RTL8C: variants seen among roughly 807,000 people sequenced by gnomAD.
RTL8C encodes the protein retrotransposon Gag like 8C, also known as retrotransposon Gag-like protein 8C.
A neutral mutation model predicts 5.0 loss-of-function variants in RTL8C; 1 was observed. That is an observed-to-expected ratio of 0.20 (90% CI 0.07 to 0.95). The LOEUF (loss-of-function observed/expected upper bound fraction) is 0.95. RTL8C is among the 40% of genes least tolerant of loss of function. The pLI, the probability that RTL8C is intolerant of heterozygous loss-of-function variation, is 0.63. For synonymous variants in RTL8C, 37 were observed against 44.5 expected, an observed-to-expected ratio of 0.83 and a Z score of 0.67; for missense variants, 39 against 99.3, an observed-to-expected ratio of 0.39 and a Z score of 2.58.
In RTL8C at chrX:135,032,372, C is replaced by T. The variant is rs753658574; in HGVS notation, c.-12C>T. ...TGGAGCCCATTGACGTCCAGCGAAGCGAGGAGCAGCGATGGACGGTCGGGT... is the reference window on the plus strand; with the variant it reads ...TGGAGCCCATTGACGTCCAGCGAAGTGAGGAGCAGCGATGGACGGTCGGGT... On this transcript the variant is annotated 5_prime_UTR_variant, in exon 1 of 1. Coordinates refer to ENST00000257013, the MANE Select transcript of RTL8C (RefSeq NM_001078171.2). 2.5e-6 allele frequency: 3 copies of T among 1,194,599 alleles called. No homozygotes were observed. The highest frequency in any genetic ancestry group is 3.0e-5 in the East Asian group (1 of 33,696).
rs750314248 is a variant in RTL8C, at chrX:135,032,356, T to C, written c.-28T>C. The C allele has an allele frequency of 2.3e-5, 27 of 1,186,517 alleles. No homozygotes were observed. Among genetic ancestry groups the C allele is most frequent in the Admixed American group, 2.0e-4 (9 of 43,973 alleles). On this transcript the variant is annotated 5_prime_UTR_variant, in exon 1 of 1. Coordinates refer to ENST00000257013, the MANE Select transcript of RTL8C (RefSeq NM_001078171.2). Reference sequence around the variant, plus strand: ...CCTCTGCAGAGCCGGGTGGAGCCCATTGACGTCCAGCGAAGCGAGGAGCAG... The same window carrying C: ...CCTCTGCAGAGCCGGGTGGAGCCCACTGACGTCCAGCGAAGCGAGGAGCAG...
chrX:135,032,923 C>T lies in RTL8C; in HGVS notation c.*198C>T. 9.1e-7 allele frequency: 1 copy of T among 1,099,250 alleles called. No homozygotes were observed. The highest frequency in any genetic ancestry group is 1.2e-6 in the Non-Finnish European group (1 of 842,158). 90.6% of individuals were successfully genotyped at this position (1,099,250 alleles called of 1,213,427 possible). On this transcript the variant is annotated 3_prime_UTR_variant, in exon 1 of 1. Coordinates refer to ENST00000257013, the MANE Select transcript of RTL8C (RefSeq NM_001078171.2). ...GAATAGCGCTCCAGGCTCCTGCTGC[C>T]GCCCCTGGGCCTCACTCTGGAGCGA...
Position 135,033,052 on chromosome X carries a change from C to G in RTL8C, c.*327C>G. ...GGCTCCTGTTACACACTGGACAGAC[C>G]ACCCACTGCCGCCGCTGCCAAGCCC... On this transcript the variant is annotated 3_prime_UTR_variant, in exon 1 of 1. Transcript: ENST00000257013. 2 of 948,117 alleles carry G rather than the reference C, an allele frequency of 2.1e-6. No homozygotes were observed. The highest frequency in any genetic ancestry group is 2.8e-6 in the Non-Finnish European group (2 of 706,200). The allele number at this position is 948,117 out of a possible 1,213,427, so 78.1% of individuals were successfully genotyped here.
Position 135,033,010 on chromosome X carries a change from G to T in RTL8C, c.*285G>T. The T allele has an allele frequency of 9.7e-7, 1 of 1,028,219 alleles. No homozygotes were observed. The highest frequency in any genetic ancestry group is 1.3e-6 in the Non-Finnish European group (1 of 778,292). The allele number at this position is 1,028,219 out of a possible 1,213,427, so 84.7% of individuals were successfully genotyped here. On this transcript the variant is annotated 3_prime_UTR_variant, in exon 1 of 1. Transcript: ENST00000257013. ...CATGTACATTTGGACGCTGTCCTGC[G>T]CTCCAGCTGCAAGCTGGGCTCCTGT...
chrX:135,032,803 C>G lies in RTL8C; in HGVS notation c.*78C>G. On this transcript the variant is annotated 3_prime_UTR_variant, in exon 1 of 1. Transcript: ENST00000257013. ...TTACTGGCCGCCGCCAGGGTCGCCA[C>G]CGGCGCCCTCCCTCCGCGCCTCCCT... 1.7e-6 allele frequency: 2 copies of G among 1,162,644 alleles called. No homozygotes were observed. The highest frequency in any genetic ancestry group is 2.3e-6 in the Non-Finnish European group (2 of 872,603).
Position 135,032,695 on chromosome X carries a change from C to T in RTL8C, c.312C>T (p.Val104=), listed in dbSNP as rs1236900927. 1.7e-6 allele frequency: 2 copies of T among 1,210,104 alleles called. No individual in the cohort carries two copies. Among genetic ancestry groups the T allele is most frequent in the Admixed American group, 2.2e-5 (1 of 45,955 alleles). ...YRGFLAEMKR[V]FGWEEDEDF Reference sequence around the variant, plus strand: ...GCTTTCTGGCCGAGATGAAGCGAGTCTTTGGATGGGAGGAGGACGAGGACT... The same window carrying T: ...GCTTTCTGGCCGAGATGAAGCGAGTTTTTGGATGGGAGGAGGACGAGGACT... The change falls in exon 1 of 1, where the codon GTC becomes GTT. Residue 104 remains valine (V), a synonymous_variant. Coordinates refer to ENST00000257013, the MANE Select transcript of RTL8C (RefSeq NM_001078171.2).
At position 135,032,845 on chromosome X, in the gene RTL8C, C is replaced by T. The variant is rs2083294725; in HGVS notation, c.*120C>T. On this transcript the variant is annotated 3_prime_UTR_variant, in exon 1 of 1. Coordinates refer to ENST00000257013, the MANE Select transcript of RTL8C (RefSeq NM_001078171.2). The stretch of plus-strand genomic sequence containing the variant: ...CGCCTCCCTCCCCCTCGAGCCGCCG[C>T]GATGTCCCCTGCGCTCCTGTTCCCT... The T allele has an allele frequency of 2.7e-6, 3 of 1,130,822 alleles. No homozygotes were observed. Among genetic ancestry groups the T allele is most frequent in the Admixed American group, 6.1e-5 (2 of 33,041 alleles). The allele number at this position is 1,130,822 out of a possible 1,213,427, so 93.2% of individuals were successfully genotyped here.
rs778156525 is a variant in RTL8C, at chrX:135,032,389, C to T, written c.6C>T (p.Asp2=). M[D]GRVQLIKALL... ...CAGCGAAGCGAGGAGCAGCGATGGA[C>T]GGTCGGGTGCAGCTGATAAAGGCCC... Residue 2 remains aspartate, a synonymous_variant, in exon 1 of 1, where the codon GAC becomes GAT. Transcript: ENST00000257013. 5.0e-6 allele frequency: 6 copies of T among 1,201,889 alleles called. No individual in the cohort carries two copies. The highest frequency in any genetic ancestry group is 3.0e-5 in the East Asian group (1 of 33,752).
In RTL8C at chrX:135,033,163, A is replaced by C; in HGVS notation, c.*438A>C. 1.1e-6 allele frequency: 1 copy of C among 916,281 alleles called. No homozygotes were observed. 75.5% of individuals were successfully genotyped at this position (916,281 alleles called of 1,213,427 possible). A position where few individuals can be genotyped will look rare whatever the true frequency, so the allele number is the denominator to read the frequency against. On this transcript the variant is annotated 3_prime_UTR_variant, in exon 1 of 1. Coordinates refer to ENST00000257013, the MANE Select transcript of RTL8C (RefSeq NM_001078171.2). ...CAGCCATCGCCATCCATCGCATCCC[A>C]CCGACAGACTGCTGCTCCTAGTGAT...
chrX:135,032,525 G>T lies in RTL8C; in HGVS notation c.142G>T (p.Gly48Cys), dbSNP rs1463560061. ...DRLPEFIVQT[G>C]SYMFVDENTF... Reference sequence around the variant, plus strand: ...ACTCCCGGAGTTCATCGTGCAGACGGGCTCCTACATGTTCGTGGACGAGAA... The same window carrying T: ...ACTCCCGGAGTTCATCGTGCAGACGTGCTCCTACATGTTCGTGGACGAGAA... The change falls in exon 1 of 1, where the codon GGC becomes TGC. Residue 48 changes from glycine to cysteine, a missense_variant. Physicochemically the swap from Gly to Cys is radical, Grantham distance 159 (BLOSUM62 -3). Coordinates refer to ENST00000257013, the MANE Select transcript of RTL8C (RefSeq NM_001078171.2). 2 of 1,211,794 alleles carry T rather than the reference G, an allele frequency of 1.7e-6. No homozygotes were observed. The highest frequency in any genetic ancestry group is 2.2e-6 in the Non-Finnish European group (2 of 895,590).
rs1396824224 is a variant in RTL8C at position 135,033,218 on chromosome X, G to C, written c.*493G>C. On this transcript the variant is annotated 3_prime_UTR_variant, in exon 1 of 1. Transcript: ENST00000257013. The stretch of plus-strand genomic sequence containing the variant: ...ACTCACCTCGGAGGTATCTGGGCTG[G>C]CCACAGTCCCTGGACAGTGATCCAG... 15 of 655,309 alleles carry C rather than the reference G, an allele frequency of 2.3e-5. No homozygotes were observed. Among genetic ancestry groups the C allele is most frequent in the Non-Finnish European group, 3.3e-5 (15 of 458,677 alleles). 54.0% of individuals were successfully genotyped at this position (655,309 alleles called of 1,213,427 possible).
Position 135,032,950 on chromosome X carries a change from C to T in RTL8C, c.*225C>T. On this transcript the variant is annotated 3_prime_UTR_variant, in exon 1 of 1. Coordinates refer to ENST00000257013, the MANE Select transcript of RTL8C (RefSeq NM_001078171.2). ...CCCCTGGGCCTCACTCTGGAGCGAGCCGCCGCCCTCTCCTTCCAGCCAGCC... is the reference window on the plus strand; with the variant it reads ...CCCCTGGGCCTCACTCTGGAGCGAGTCGCCGCCCTCTCCTTCCAGCCAGCC... 1 of 1,092,315 alleles carries T rather than the reference C, an allele frequency of 9.2e-7. No homozygotes were observed. The highest frequency in any genetic ancestry group is 3.4e-5 in the East Asian group (1 of 29,426). 90.0% of individuals were successfully genotyped at this position (1,092,315 alleles called of 1,213,427 possible). A position where few individuals can be genotyped will look rare whatever the true frequency, so the allele number is the denominator to read the frequency against.
At position 135,032,379 on chromosome X, in the gene RTL8C, CA is replaced by C. The variant is rs1487927746; in HGVS notation, c.-4del. ...CATTGACGTCCAGCGAAGCGAGGAG[CA>C]GCGATGGACGGTCGGGTGCAGCTGA... On this transcript the variant is annotated 5_prime_UTR_variant, in exon 1 of 1. Transcript: ENST00000257013. The C allele has an allele frequency of 2.5e-6, 3 of 1,200,112 alleles. No homozygotes were observed. In the Admixed American group the frequency reaches 6.6e-5, roughly 27 times the overall value.
In RTL8C at chrX:135,033,180, C is replaced by G; in HGVS notation, c.*455C>G. The G allele has an allele frequency of 2.3e-6, 2 of 873,235 alleles. No homozygotes were observed. The highest frequency in any genetic ancestry group is 4.2e-5 in the South Asian group (2 of 47,973). The allele number at this position is 873,235 out of a possible 1,213,427, so 72.0% of individuals were successfully genotyped here. On this transcript the variant is annotated 3_prime_UTR_variant, in exon 1 of 1. Transcript: ENST00000257013. Reference sequence around the variant, plus strand: ...CGCATCCCACCGACAGACTGCTGCTCCTAGTGATCTGGACTCACCTCGGAG... The same window carrying G: ...CGCATCCCACCGACAGACTGCTGCTGCTAGTGATCTGGACTCACCTCGGAG...
Position 135,032,833 on chromosome X carries a change from C to A in RTL8C, c.*108C>A. On this transcript the variant is annotated 3_prime_UTR_variant, in exon 1 of 1. Coordinates refer to ENST00000257013, the MANE Select transcript of RTL8C (RefSeq NM_001078171.2). ...GCCCTCCCTCCGCGCCTCCCTCCCC[C>A]TCGAGCCGCCGCGATGTCCCCTGCG... 8.8e-7 allele frequency: 1 copy of A among 1,136,250 alleles called. No homozygotes were observed. Among genetic ancestry groups the A allele is most frequent in the Non-Finnish European group, 1.2e-6 (1 of 860,222 alleles). The allele number at this position is 1,136,250 out of a possible 1,213,427, so 93.6% of individuals were successfully genotyped here. A position where few individuals can be genotyped will look rare whatever the true frequency, so the allele number is the denominator to read the frequency against.
Position 135,032,801 on chromosome X carries a change from C to T in RTL8C, c.*76C>T, listed in dbSNP as rs375747975. 8.4e-5 allele frequency: 98 copies of T among 1,163,781 alleles called. 2 individuals are homozygous for T. In the East Asian group the frequency reaches 1.2e-3, roughly 14 times the overall value. ...TGTTACTGGCCGCCGCCAGGGTCGC[C>T]ACCGGCGCCCTCCCTCCGCGCCTCC... On this transcript the variant is annotated 3_prime_UTR_variant, in exon 1 of 1. Transcript: ENST00000257013.
Position 135,032,782 on chromosome X carries a change from T to C in RTL8C, c.*57T>C. 1 of 1,184,650 alleles carries C rather than the reference T, an allele frequency of 8.4e-7. No individual in the cohort carries two copies. The highest frequency in any genetic ancestry group is 1.1e-6 in the Non-Finnish European group (1 of 883,504). On this transcript the variant is annotated 3_prime_UTR_variant, in exon 1 of 1. Coordinates refer to ENST00000257013, the MANE Select transcript of RTL8C (RefSeq NM_001078171.2). ...CTCTGGGGAGGGTCCGCTGTGTTACTGGCCGCCGCCAGGGTCGCCACCGGC... is the reference window on the plus strand; with the variant it reads ...CTCTGGGGAGGGTCCGCTGTGTTACCGGCCGCCGCCAGGGTCGCCACCGGC...
At position 135,032,841 on chromosome X, in the gene RTL8C, G is replaced by A. The variant is rs1320439014; in HGVS notation, c.*116G>A. The A allele has an allele frequency of 2.7e-6, 3 of 1,131,678 alleles. No homozygotes were observed. Among genetic ancestry groups the A allele is most frequent in the Non-Finnish European group, 3.5e-6 (3 of 858,342 alleles). The allele number at this position is 1,131,678 out of a possible 1,213,427, so 93.3% of individuals were successfully genotyped here. A position where few individuals can be genotyped will look rare whatever the true frequency, so the allele number is the denominator to read the frequency against. On this transcript the variant is annotated 3_prime_UTR_variant, in exon 1 of 1. Transcript: ENST00000257013. Reference sequence around the variant, plus strand: ...TCCGCGCCTCCCTCCCCCTCGAGCCGCCGCGATGTCCCCTGCGCTCCTGTT... The same window carrying A: ...TCCGCGCCTCCCTCCCCCTCGAGCCACCGCGATGTCCCCTGCGCTCCTGTT...
rs1050017749 is a variant in RTL8C, at chrX:135,033,107, A to T, written c.*382A>T. On this transcript the variant is annotated 3_prime_UTR_variant, in exon 1 of 1. Transcript: ENST00000257013. ...CTCCCCACCAGACTGCCAGACGACT[A>T]CATCATTCTGCCCACAGACCTGCGC... 1.2e-5 allele frequency: 12 copies of T among 960,391 alleles called. No homozygotes were observed. The Admixed American group carries it at 1.5e-4, about 12-fold the overall frequency. The allele number at this position is 960,391 out of a possible 1,213,427, so 79.1% of individuals were successfully genotyped here.
Sources: gnomAD v4.1 joint callset for allele counts on GRCh38, gnomAD v4.1.1 for gene constraint, MANE v1.5 for transcripts, NCBI Gene and HGNC (gene_info 2026-07-23, HGNC 2026-07-21) for gene names.